MARCO: variants seen among roughly 807,000 people sequenced by gnomAD.
MARCO encodes the protein macrophage receptor MARCO.
Under a neutral mutation model 70.0 loss-of-function variants are expected in MARCO, and 72 were observed. The observed-to-expected ratio is 1.03, with a 90% CI of 0.85 to 1.25. The LOEUF (loss-of-function observed/expected upper bound fraction) is 1.25, where lower values mean the gene tolerates loss of function less well. Ranked by LOEUF, MARCO falls within the 50% of genes most tolerant of loss-of-function variation. MARCO has a pLI of 0.00. For missense variants in MARCO, 696 were observed against 659.3 expected, an observed-to-expected ratio of 1.06 and a Z score of -0.61; for synonymous variants, 273 against 243.1, an observed-to-expected ratio of 1.12 and a Z score of -1.14.
At chr2:118,958,573 C>T (rs1679881319) in intron 1 of MARCO, among the ~76,000 whole-genome samples, 1 of 152,124 alleles carries the variant, frequency 6.6e-6, no homozygotes, top group Non-Finnish European at 1.5e-5. Context: ...TGAAAATAAT[C>T]GTACTGCCAA....
At chr2:118,960,627 C>T (rs911835385) in intron 1 of MARCO, among the ~76,000 whole-genome samples, 2 of 152,094 alleles carry the variant, frequency 1.3e-5, no homozygotes, top group African/African-American at 4.8e-5. Flanking sequence ...AAACATTGAA[C>T]CATCCTTGCA....
chr2:118,991,933 G>T, intron 14 of MARCO, 58 bp downstream of exon 14: 1 of 1,227,948 alleles, frequency 8.1e-7, no homozygotes, highest in East Asian at 2.5e-5. Context: ...AGCCAGTTCT[G>T]TACCTTAAAA....
At chr2:118,962,861 C>T (rs1679975790) in intron 1 of MARCO, among the ~76,000 whole-genome samples, 1 of 151,962 alleles carries the variant, frequency 6.6e-6, no homozygotes, top group Non-Finnish European at 1.5e-5. Flanking sequence ...AGGAACTAGC[C>T]TATTTCCTTT....
chr2:118,961,428 T>C (rs1679944376), intron 1 of MARCO, among the ~76,000 whole-genome samples: 1 of 152,240 alleles, frequency 6.6e-6, no homozygotes, highest in South Asian at 2.1e-4. Flanking sequence ...TGTGAGATGG[T>C]ATCTCATTGT....
chr2:118,962,619 T>C (rs1324255494), intron 1 of MARCO, among the ~76,000 whole-genome samples: 1 of 152,160 alleles, frequency 6.6e-6, no homozygotes, highest in Non-Finnish European at 1.5e-5. Flanking sequence ...TTAGGATCAT[T>C]CTGATCTCAT....
intron 1 of MARCO, among the ~76,000 whole-genome samples, chr2:118,943,944 G>A (rs1250739156): frequency 6.6e-6 from 1 of 152,134 alleles, no homozygotes; most frequent in East Asian, 1.9e-4. Flanking sequence ...GAGAAGCTGA[G>A]GACAGAGAGG....
chr2:118,950,123 G>C (rs1361962494), intron 1 of MARCO, among the ~76,000 whole-genome samples: 2 of 152,068 alleles, frequency 1.3e-5, no homozygotes, highest in African/African-American at 2.4e-5. Flanking sequence ...ATTTGACAGT[G>C]CTTCGTATAT....
At position 118,993,215 on chromosome 2, in the gene MARCO, T is replaced by C. The variant is rs1247758687; in HGVS notation, c.1344T>C (p.Asp448=). ...YYSGTWGTIC[D]DEWQNSDAIV... is the part of the protein sequence containing the mutation. ...GTGGTACCTGGGGGACAATTTGCGA[T>C]GACGAGTGGCAAAATTCTGATGCCA... Residue 448 remains aspartate, a synonymous_variant, in exon 16 of 17, where the codon GAT becomes GAC. Coordinates refer to ENST00000327097, the MANE Select transcript of MARCO (RefSeq NM_006770.4). The C allele has an allele frequency of 1.2e-6, 2 of 1,614,042 alleles. No individual in the cohort carries two copies. The highest frequency in any genetic ancestry group is 1.3e-5 in the African/African-American group (1 of 74,910).
chr2:118,976,847 G>A (rs1680292733), intron 6 of MARCO, among the ~76,000 whole-genome samples: 1 of 152,146 alleles, frequency 6.6e-6, no homozygotes, highest in African/African-American at 2.4e-5. Context: ...TGCTGTTCTG[G>A]ACCTTTGGGA....
chr2:118,990,569 C>CGGGGGGGGGTGTG lies in MARCO; in HGVS notation c.1064-20_1064-19insGGGGGGGGGTGTG. 1.4e-6 allele frequency: 2 copies of CGGGGGGGGGTGTG among 1,415,984 alleles called. No homozygotes were observed. The highest frequency in any genetic ancestry group is 1.9e-6 in the Non-Finnish European group (2 of 1,028,338). 87.7% of individuals were successfully genotyped at this position (1,415,984 alleles called of 1,614,324 possible). ...AGTTTTATTATCTCCTCCCCCCCCC[C>CGGGGGGGGGTGTG]TTTTTTGTTTTGATCTTAGGACTTC... On this transcript the variant is annotated intron_variant, in intron 12 of 16. Coordinates refer to ENST00000327097, the MANE Select transcript of MARCO (RefSeq NM_006770.4).
At chr2:118,968,203 G>A (rs909026842) in intron 1 of MARCO, among the ~76,000 whole-genome samples, 2 of 152,176 alleles carry the variant, frequency 1.3e-5, no homozygotes, top group African/African-American at 4.8e-5. Flanking sequence ...CCCTAAACAA[G>A]ACAGAGTAAC....
intron 11 of MARCO, 23 bp downstream of exon 11, chr2:118,982,277 G>A: frequency 6.2e-7 from 1 of 1,612,336 alleles, no homozygotes; most frequent in Non-Finnish European, 8.5e-7. Context: ...GTCCTATGGT[G>A]GGCACAGGGA....
intron 1 of MARCO, among the ~76,000 whole-genome samples, chr2:118,965,338 T>G (rs140095598): frequency 6.6e-6 from 1 of 152,222 alleles, no homozygotes; most frequent in African/African-American, 2.4e-5. Context: ...ATTACACTAT[T>G]CAGCTCATCT....
Position 118,977,846 on chromosome 2 carries a change from G to A in MARCO, c.677G>A (p.Gly226Glu). ...QGATGTPGPQ[G>E]EKGSKGDGGL... ...TTTGCAGGCACCCCAGGACCCCAAGGAGAGAAGGGCAGCAAAGGCGATGGG... is the reference window on the plus strand; with the variant it reads ...TTTGCAGGCACCCCAGGACCCCAAGAAGAGAAGGGCAGCAAAGGCGATGGG... Residue 226 changes from glycine to glutamate, a missense_variant, in exon 8 of 17, where the codon GGA becomes GAA. Transcript: ENST00000327097. 1 of 1,612,844 alleles carries A rather than the reference G, an allele frequency of 6.2e-7. No homozygotes were observed. Among genetic ancestry groups the A allele is most frequent in the African/African-American group, 1.3e-5 (1 of 75,020 alleles).
At chr2:118,986,392 T>C (rs1367525787) in intron 12 of MARCO, among the ~76,000 whole-genome samples, 1 of 151,846 alleles carries the variant, frequency 6.6e-6, no homozygotes, top group East Asian at 1.9e-4. Context: ...CATGTACCTG[T>C]AGTCTCAGCT....
Position 118,967,400 on chromosome 2 carries a change from C to G in MARCO, c.98-1760C>G, listed in dbSNP as rs79180398. ...TGGAGGTGTGACATGGAACTGCAGC[C>G]ATAGGAGAGCTGGCCAGACGGGCTT... On this transcript the variant is annotated intron_variant, in intron 1 of 16. Transcript: ENST00000327097. Among the ~76,000 whole-genome samples the G allele has an allele frequency of 0.012, 1,874 of 152,192 alleles. 93 individuals are homozygous for G. In the South Asian group the frequency reaches 0.13, roughly 10 times the overall value.
At chr2:118,992,905 G>C (rs1191281160) in intron 15 of MARCO, 1 of 520,202 alleles carries the variant, frequency 1.9e-6, no homozygotes, top group Admixed American at 3.5e-5. Flanking sequence ...AGGGGCACCT[G>C]CCCCTGTGGC....
intron 4 of MARCO, 94 bp downstream of exon 4, chr2:118,971,628 G>A: frequency 7.7e-7 from 1 of 1,290,864 alleles, no homozygotes; most frequent in Non-Finnish European, 1.1e-6. Flanking sequence ...CTGGACAGCT[G>A]ACCCTAGCTT....
At chr2:118,966,426 GATGAA>G (rs2104572028) in intron 1 of MARCO, among the ~76,000 whole-genome samples, 1 of 152,256 alleles carries the variant, frequency 6.6e-6, no homozygotes, top group East Asian at 1.9e-4. Context: ...CCCTCTAAGA[GATGAA>G]ATGAACAGTG....
Sources: gnomAD v4.1 joint callset for allele counts (sites outside exome capture counted in the v4.1 genomes callset) on GRCh38, gnomAD v4.1.1 for gene constraint, MANE v1.5 for transcripts, NCBI Gene and HGNC (gene_info 2026-07-23, HGNC 2026-07-21) for gene names.